SLC35E1: variants seen among roughly 807,000 people sequenced by gnomAD.
The protein encoded by SLC35E1 is solute carrier family 35 member E1, also known as solute carrier family 35, member E1.
SLC35E1 carries 12 observed loss-of-function variants against 31.0 expected under a neutral mutation model. That is an observed-to-expected ratio of 0.39 (90% confidence interval 0.25 to 0.63). The LOEUF is 0.63. Among genes scored for constraint, SLC35E1 ranks in the 20% least tolerant of loss-of-function variants. SLC35E1 has a pLI of 0.52. For synonymous variants in SLC35E1, 257 were observed against 264.1 expected, an observed-to-expected ratio of 0.97 and a Z score of 0.26; for missense variants, 429 against 572.2, an observed-to-expected ratio of 0.75 and a Z score of 2.55.
At chr19:16,559,391 G>A (rs2085892807) in intron 4 of SLC35E1, among the ~76,000 whole-genome samples, 1 of 151,822 alleles carries the variant, frequency 6.6e-6, no homozygotes, top group Admixed American at 6.6e-5. Flanking sequence ...AGGCTGAGGC[G>A]GGTGGATCAC....
chr19:16,565,352 A>G (rs1324735138), intron 4 of SLC35E1: 1 of 335,922 alleles, frequency 3.0e-6, no homozygotes, highest in South Asian at 2.3e-5. Flanking sequence ...CTGGGATTAC[A>G]GGCGTGCACC....
At chr19:16,560,293 C>T (rs1280480671) in intron 4 of SLC35E1, among the ~76,000 whole-genome samples, 2 of 152,170 alleles carry the variant, frequency 1.3e-5, no homozygotes, top group Non-Finnish European at 2.9e-5. Context: ...CCTTTCATGG[C>T]CCTCCAGTCA....
rs1215714846 is a variant in SLC35E1 at position 16,572,257 on chromosome 19, C to A, written c.108G>T (p.Leu36=). The A allele has an allele frequency of 2.6e-6, 4 of 1,511,000 alleles. No individual in the cohort carries two copies. The African/African-American group carries it at 4.3e-5, about 16-fold the overall frequency. 93.6% of individuals were successfully genotyped at this position (1,511,000 alleles called of 1,614,324 possible). The change falls in exon 1 of 6, where the codon CTG becomes CTT. Residue 36 remains leucine, a synonymous_variant. Coordinates refer to ENST00000595753, the MANE Select transcript of SLC35E1 (RefSeq NM_024881.5). This position sits in a 1 kb window ranked among gnomAD's most constrained non-coding sequence, Gnocchi z 4.1. ...EGARVAALCL[L]WYALSAGGNV... ...TGCCGCCCGCGCTCAGCGCGTACCA[C>A]AGCAGGCACAGCGCCGCCACCCGCG...
chr19:16,565,138 GGT>G (rs1190794849), intron 4 of SLC35E1: 1 of 456,570 alleles, frequency 2.2e-6, no homozygotes, highest in East Asian at 6.9e-5. Flanking sequence ...AGACCCTGCA[GGT>G]GGCAAAAAGA....
chr19:16,553,343 C>T lies in SLC35E1; in HGVS notation c.*336G>A, dbSNP rs190026944. The T allele has an allele frequency of 3.9e-4, 70 of 178,106 alleles. No individual in the cohort carries two copies. The highest frequency in any genetic ancestry group is 2.2e-3 in the Middle Eastern group (1 of 460). The allele number at this position is 178,106 out of a possible 1,614,324, so 11.0% of individuals were successfully genotyped here. A position where few individuals can be genotyped will look rare whatever the true frequency, so the allele number is the denominator to read the frequency against. ...GTTATCTGGAATGCAGACACAAGTG[C>T]TCTGAGCTACACTGCTTGGGGAATA... On this transcript the variant is annotated 3_prime_UTR_variant, in exon 6 of 6. Coordinates refer to ENST00000595753, the MANE Select transcript of SLC35E1 (RefSeq NM_024881.5).
At chr19:16,569,779 G>C (rs2085948765) in intron 2 of SLC35E1, among the ~76,000 whole-genome samples, 1 of 152,210 alleles carries the variant, frequency 6.6e-6, no homozygotes, top group African/African-American at 2.4e-5. Flanking sequence ...AGGAGGCGGA[G>C]CTTGCAGTAA....
Position 16,572,122 on chromosome 19 carries a change from G to C in SLC35E1, c.243C>G (p.Arg81=). ...AGLPPLLRAW[R]VPPAPPVSGP... ...CCGAGACGGGCGGCGCGGGGGGCAC[G>C]CGCCAGGCGCGCAGCAGCGGCGGGA... The change falls in exon 1 of 6, where the codon CGC becomes CGG. Residue 81 remains arginine (R), a synonymous_variant. Transcript: ENST00000595753. The surrounding 1 kb of genome is among the most constrained non-coding windows in gnomAD (Gnocchi z 4.1). 6.6e-7 allele frequency: 1 copy of C among 1,509,488 alleles called. No homozygotes were observed. The highest frequency in any genetic ancestry group is 8.9e-7 in the Non-Finnish European group (1 of 1,129,690). The allele number at this position is 1,509,488 out of a possible 1,614,324, so 93.5% of individuals were successfully genotyped here.
chr19:16,564,713 A>C (rs573511312), intron 4 of SLC35E1, among the ~76,000 whole-genome samples: 2 of 152,234 alleles, frequency 1.3e-5, no homozygotes, highest in South Asian at 4.1e-4. Flanking sequence ...CCTACCCCCA[A>C]ACAAACCCTC....
At chr19:16,562,106 TACA>T (rs752311465) in intron 4 of SLC35E1, among the ~76,000 whole-genome samples, 5 of 150,894 alleles carry the variant, frequency 3.3e-5, no homozygotes, top group African/African-American at 1.2e-4. Context: ...CTTAAGGTAT[TACA>T]ACAACAAAAA....
chr19:16,557,677 G>A (rs1172209690), intron 4 of SLC35E1, among the ~76,000 whole-genome samples: 2 of 152,234 alleles, frequency 1.3e-5, no homozygotes. Flanking sequence ...TCACATGGCT[G>A]GGAACCTTTG....
Position 16,550,262 on chromosome 19 carries a change from T to C in SLC35E1, c.*3417A>G, listed in dbSNP as rs1178710951. On this transcript the variant is annotated 3_prime_UTR_variant, in exon 6 of 6. Coordinates refer to ENST00000595753, the MANE Select transcript of SLC35E1 (RefSeq NM_024881.5). Reference sequence around the variant, plus strand: ...GCCTCCTTCTATAAAATGAAGGAGCTGGGTTGGAGTCAGTATTACCAGCCA... The same window carrying C: ...GCCTCCTTCTATAAAATGAAGGAGCCGGGTTGGAGTCAGTATTACCAGCCA... 2.0e-5 allele frequency: 3 copies of C among 152,204 alleles called. No homozygotes were observed. The highest frequency in any genetic ancestry group is 4.4e-5 in the Non-Finnish European group (3 of 68,050). The allele number at this position is 152,204 out of a possible 1,614,324, so 9.4% of individuals were successfully genotyped here. A position where few individuals can be genotyped will look rare whatever the true frequency, so the allele number is the denominator to read the frequency against.
rs200657513 is a variant in SLC35E1 at position 16,560,880 on chromosome 19, C to A, written c.757-5483G>T. ...CCATCTCAAAAACAAAAAAAAAAAA[C>A]CAAAAAAAAAAAAAAAAAAAGAGAA... On this transcript the variant is annotated intron_variant, in intron 4 of 5. Coordinates refer to ENST00000595753, the MANE Select transcript of SLC35E1 (RefSeq NM_024881.5). Among the ~76,000 whole-genome samples the A allele has an allele frequency of 6.7e-4, 64 of 95,060 alleles. 1 individual carries two copies. The highest frequency in any genetic ancestry group is 1.9e-3 in the South Asian group (6 of 3,086). The allele number at this position is 95,060 out of a possible 152,430, so 62.4% of individuals were successfully genotyped here. A position where few individuals can be genotyped will look rare whatever the true frequency, so the allele number is the denominator to read the frequency against.
intron 4 of SLC35E1, among the ~76,000 whole-genome samples, chr19:16,559,463 T>TACACACACAC (rs61643316): frequency 0.03 from 4,272 of 142,338 alleles, 146 homozygotes; most frequent in African/African-American, 0.077. Flanking sequence ...CTACAAAAAA[T>TACACACACAC]ACACACACAC....
Position 16,572,074 on chromosome 19 carries a change from C to T in SLC35E1, c.291G>A (p.Pro97=). ...GCGGCGGCAGCAGCGGGCCGGACGA[C>T]GGATGCGGACTGGGTCCGGGGCCCG... is the stretch of plus-strand genomic sequence containing the variant. ...PVSGPGPSPH[P]SSGPLLPPRF... Residue 97 remains proline, a synonymous_variant, in exon 1 of 6, where the codon CCG becomes CCA. Coordinates refer to ENST00000595753, the MANE Select transcript of SLC35E1 (RefSeq NM_024881.5). This position sits in a 1 kb window ranked among gnomAD's most constrained non-coding sequence, Gnocchi z 4.1. 1 of 1,538,228 alleles carries T rather than the reference C, an allele frequency of 6.5e-7. No individual in the cohort carries two copies. Among genetic ancestry groups the T allele is most frequent in the Non-Finnish European group, 8.8e-7 (1 of 1,142,134 alleles).
At chr19:16,563,070 C>T (rs1434800295) in intron 4 of SLC35E1, among the ~76,000 whole-genome samples, 1 of 152,108 alleles carries the variant, frequency 6.6e-6, no homozygotes, top group African/African-American at 2.4e-5. Context: ...CCTATAATTC[C>T]AGCACTTTGG....
chr19:16,563,320 T>A (rs1469687830), intron 4 of SLC35E1, among the ~76,000 whole-genome samples: 1 of 145,028 alleles, frequency 6.9e-6, no homozygotes, highest in Non-Finnish European at 1.5e-5. Flanking sequence ...AAACTCCGTC[T>A]CAAAAAATAA....
In SLC35E1 at chr19:16,551,752, C is replaced by CCTT; in HGVS notation, c.*1926_*1927insAAG. On this transcript the variant is annotated 3_prime_UTR_variant, in exon 6 of 6. Transcript: ENST00000595753. ...TTTCTGCCAAGACCCAAACTGATTC[C>CCTT]TTTTTTTTTTTTTTTTTTTTGAGAC... 7.8e-6 allele frequency: 1 copy of CCTT among 128,244 alleles called. No homozygotes were observed. Among genetic ancestry groups the CCTT allele is most frequent in the Middle Eastern group, 3.9e-3 (1 of 256 alleles). 7.9% of individuals were successfully genotyped at this position (128,244 alleles called of 1,614,324 possible).
chr19:16,555,417 A>G lies in SLC35E1; in HGVS notation c.757-20T>C, dbSNP rs199702630. 329 of 1,611,048 alleles carry G rather than the reference A, an allele frequency of 2.0e-4. 3 individuals are homozygous for G. In the South Asian group the frequency reaches 3.0e-3, roughly 15 times the overall value. ...GTAGGTCTGCAGAGACCGGAAGGTA[A>G]AGACAGCACTTCAGTGGGCAGCGGT... On this transcript the variant is annotated intron_variant, in intron 4 of 5. Coordinates refer to ENST00000595753, the MANE Select transcript of SLC35E1 (RefSeq NM_024881.5). This position sits in a 1 kb window ranked among gnomAD's most constrained non-coding sequence, Gnocchi z 4.1.
chr19:16,555,169 C>A lies in SLC35E1; in HGVS notation c.985G>T (p.Val329Phe), dbSNP rs1056820937. The A allele has an allele frequency of 3.7e-6, 6 of 1,614,138 alleles. No homozygotes were observed. The highest frequency in any genetic ancestry group is 5.1e-6 in the Non-Finnish European group (6 of 1,180,026). ...ACTCTCACCTTGTTATAGAGGAAGA[C>A]CCCCAGGATGGCGGTCATCATGCCC... Reference protein sequence around the residue: ...VLGMMTAILGVFLYNKTKYDA... With the variant: ...VLGMMTAILGFFLYNKTKYDA... Residue 329 changes from valine to phenylalanine, a missense_variant, in exon 5 of 6, where the codon GTC becomes TTC. By Grantham distance (50) the Val-to-Phe change is conservative (BLOSUM62 -1). Transcript: ENST00000595753. The surrounding 1 kb of genome is among the most constrained non-coding windows in gnomAD (Gnocchi z 4.1).
Sources: gnomAD v4.1 joint callset for allele counts (sites outside exome capture counted in the v4.1 genomes callset) on GRCh38, gnomAD v4.1.1 for gene constraint, Gnocchi (gnomAD v3.1) non-coding constraint, MANE v1.5 for transcripts, NCBI Gene and HGNC (gene_info 2026-07-23, HGNC 2026-07-21) for gene names.